Variants in SBF2 observed in about 807,000 individuals in gnomAD.
The protein encoded by SBF2 is SET binding factor 2.
Under a neutral mutation model 225.2 loss-of-function variants are expected in SBF2, and 112 were observed. The observed-to-expected ratio is 0.50, with a 90% CI of 0.43 to 0.58. The LOEUF is 0.58. SBF2 is among the 20% of genes least tolerant of loss of function. SBF2 has a pLI of 0.00. For missense variants in SBF2, 1,996 were observed against 2,206.2 expected (o/e 0.90, Z 1.91); for synonymous variants, 763 against 773.3 (o/e 0.99, Z 0.22).
chr11:10,079,792 T>A (rs1951285460), intron 2 of SBF2, among the ~76,000 whole-genome samples: 1 of 152,050 alleles, frequency 6.6e-6, no homozygotes. Context: ...GTCATCAGAA[T>A]GCCTATGGTT....
At chr11:10,219,266 A>C (rs1958250174) in intron 1 of SBF2, among the ~76,000 whole-genome samples, 1 of 152,212 alleles carries the variant, frequency 6.6e-6, no homozygotes, top group Non-Finnish European at 1.5e-5. Flanking sequence ...CACCATGTGG[A>C]AGCTGCCAAG....
intron 1 of SBF2, among the ~76,000 whole-genome samples, chr11:10,300,811 C>CTTTTT (rs570381146): frequency 7.2e-6 from 1 of 138,130 alleles, no homozygotes. Flanking sequence ...CTCTCTCTCT[C>CTTTTT]TTTTTTTTTT....
At chr11:9,865,445 T>C (rs1338518616) in intron 17 of SBF2, among the ~76,000 whole-genome samples, 2 of 151,842 alleles carry the variant, frequency 1.3e-5, no homozygotes, top group African/African-American at 2.4e-5. Context: ...ATTCTAGTAC[T>C]TTGGAAGGCT....
intron 2 of SBF2, among the ~76,000 whole-genome samples, chr11:10,049,401 G>C (rs1265426456): frequency 6.6e-6 from 1 of 152,158 alleles, no homozygotes. Context: ...GAGGTCAGAA[G>C]TTTGAGACCA....
intron 2 of SBF2, among the ~76,000 whole-genome samples, chr11:10,073,427 A>T (rs1408715182): frequency 6.6e-6 from 1 of 152,196 alleles, no homozygotes; most frequent in East Asian, 1.9e-4. Flanking sequence ...AGAAAGATTT[A>T]AGTGGCCCAG....
intron 2 of SBF2, among the ~76,000 whole-genome samples, chr11:10,158,992 C>A (rs75794863): frequency 0.076 from 11,559 of 151,890 alleles, 625 homozygotes; most frequent in East Asian, 0.28. Flanking sequence ...ATGTACCCCC[C>A]AAATAATAAA....
intron 16 of SBF2, among the ~76,000 whole-genome samples, chr11:9,929,675 A>G (rs1864339059): frequency 6.6e-6 from 1 of 152,196 alleles, no homozygotes; most frequent in Non-Finnish European, 1.5e-5. Flanking sequence ...TCAAAAGTTG[A>G]ACAAATTGGG....
chr11:9,994,860 A>C (rs1947621217), intron 9 of SBF2, among the ~76,000 whole-genome samples: 1 of 152,000 alleles, frequency 6.6e-6, no homozygotes, highest in Non-Finnish European at 1.5e-5. Context: ...AACATGGTAA[A>C]ACCCTGTCTC....
chr11:9,781,811 G>A (rs1353524600), intron 38 of SBF2, among the ~76,000 whole-genome samples, 173 bp from the exon 39 acceptor site: 1 of 152,156 alleles, frequency 6.6e-6, no homozygotes, highest in Non-Finnish European at 1.5e-5. Context: ...GGAAGAACTA[G>A]GTGGCTTGGA....
At chr11:9,809,294 C>A in intron 30 of SBF2, 1 of 309,118 alleles carries the variant, frequency 3.2e-6, no homozygotes, top group Non-Finnish European at 6.2e-6. Context: ...AGTAAGACCC[C>A]ATCTCAATGA....
chr11:9,787,569 G>C (rs1852453528), intron 36 of SBF2, 65 bp downstream of exon 36: 7 of 1,371,744 alleles, frequency 5.1e-6, no homozygotes, highest in Non-Finnish European at 7.3e-6. Context: ...GTGGCAGCAG[G>C]CTCCACCTGA....
chr11:10,281,264 T>C (rs977307215), intron 1 of SBF2, among the ~76,000 whole-genome samples: 2 of 152,222 alleles, frequency 1.3e-5, no homozygotes, highest in East Asian at 1.9e-4. Context: ...CTTTTTGCTC[T>C]GATATACCTA....
rs559919572 is a variant in SBF2 at position 9,867,629 on chromosome 11, A to G, written c.1930-9233T>C. Among the ~76,000 whole-genome samples the G allele has an allele frequency of 1.4e-3, 218 of 152,358 alleles. 1 individual carries two copies. The highest frequency in any genetic ancestry group is 5.0e-3 in the African/African-American group (206 of 41,584). On this transcript the variant is annotated intron_variant, in intron 17 of 39. Transcript: ENST00000256190. ...ATGGAATAAACCTAAATGTCCATCA[A>G]CAGATGAGTGGATAAAGGAAACATG...
intron 2 of SBF2, among the ~76,000 whole-genome samples, chr11:10,057,363 A>T (rs1950291540): frequency 6.6e-6 from 1 of 152,156 alleles, no homozygotes; most frequent in African/African-American, 2.4e-5. Flanking sequence ...TCACCCTTGG[A>T]CTAACAAAGG....
intron 32 of SBF2, among the ~76,000 whole-genome samples, chr11:9,797,968 G>A (rs1022545792): frequency 6.6e-6 from 1 of 151,938 alleles, no homozygotes. Context: ...GTGAGACCCT[G>A]TCTCTGAATG....
intron 17 of SBF2, among the ~76,000 whole-genome samples, chr11:9,880,837 G>A (rs1191099988): frequency 6.6e-6 from 1 of 152,124 alleles, no homozygotes; most frequent in South Asian, 2.1e-4. Flanking sequence ...CCTAGAAGGG[G>A]GTGTCTAGTA....
chr11:10,302,999 T>C (rs1964611976), intron 1 of SBF2: 1 of 152,190 alleles, frequency 6.6e-6, no homozygotes, highest in Admixed American at 6.5e-5. Context: ...TGGCGACAAG[T>C]AGGTCGCATC....
chr11:10,240,683 C>T (rs944293470), intron 1 of SBF2, among the ~76,000 whole-genome samples: 5 of 152,174 alleles, frequency 3.3e-5, no homozygotes, highest in Non-Finnish European at 5.9e-5. Flanking sequence ...ATATTATCAT[C>T]AGGATATGAA....
chr11:10,148,611 ATCT>A (rs1278194108), intron 2 of SBF2, among the ~76,000 whole-genome samples: 11 of 152,188 alleles, frequency 7.2e-5, no homozygotes, highest in East Asian at 1.9e-4. Context: ...TTCATACATA[ATCT>A]TCTTCATCAG....
Sources: allele counts gnomAD v4.1 joint callset (sites outside exome capture counted in the v4.1 genomes callset), GRCh38; gene constraint gnomAD v4.1.1; transcripts MANE v1.5; gene names NCBI Gene and HGNC (gene_info 2026-07-23, HGNC 2026-07-21).